Variants in IDO2 observed in about 807,000 individuals in gnomAD.
IDO2 encodes indoleamine 2,3-dioxygenase 2, also known as indoleamine 2,3-dioxygenase-like 1 protein.
Under a neutral mutation model 45.1 loss-of-function variants are expected in IDO2, and 46 were observed. The ratio of observed to expected loss-of-function variants is 1.02; its 90% CI spans 0.80 to 1.30. The LOEUF (loss-of-function observed/expected upper bound fraction) is 1.30. Among genes scored for constraint, IDO2 ranks in the 50% most tolerant of loss-of-function variants. The probability of loss-of-function intolerance (pLI) is 0.00; values close to 1 mark genes in which losing one functional copy is unlikely to be tolerated. For missense variants in IDO2, 544 were observed against 491.8 expected (o/e 1.11, Z -1.00); for synonymous variants, 218 against 184.9 (o/e 1.18, Z -1.45).
At chr8:39,937,260 A>G (rs1185984305) in intron 1 of IDO2, among the ~76,000 whole-genome samples, 3 of 152,252 alleles carry the variant, frequency 2.0e-5, no homozygotes, top group Non-Finnish European at 2.9e-5. Flanking sequence ...ATATTCCAAC[A>G]GTTATGTTTC....
rs1807526160 is a variant in IDO2 at position 39,935,137 on chromosome 8, A to G, written c.-99A>G. 2.6e-6 allele frequency: 4 copies of G among 1,520,658 alleles called. No individual in the cohort carries two copies. In the South Asian group the frequency reaches 4.5e-5, roughly 17 times the overall value. The allele number at this position is 1,520,658 out of a possible 1,614,324, so 94.2% of individuals were successfully genotyped here. On this transcript the variant is annotated 5_prime_UTR_variant, in exon 1 of 11. Transcript: ENST00000502986. ...AGAAGGCAATGGACACCTAAAGAACAGAATGAAAACCTTCTTAGGAAATGA... is the reference window on the plus strand; with the variant it reads ...AGAAGGCAATGGACACCTAAAGAACGGAATGAAAACCTTCTTAGGAAATGA...
At chr8:39,972,471 AT>A (rs569900626) in intron 3 of IDO2, among the ~76,000 whole-genome samples, 3 of 151,890 alleles carry the variant, frequency 2.0e-5, no homozygotes, top group Admixed American at 6.6e-5. Context: ...TTAGCTGGTC[AT>A]GGTGGCAGGC....
chr8:39,986,841 T>C (rs564578760), intron 6 of IDO2: 2 of 144,744 alleles, frequency 1.4e-5, no homozygotes, highest in South Asian at 4.5e-4. Context: ...GCTATTCTCA[T>C]GATAGTGAGT....
intron 2 of IDO2, among the ~76,000 whole-genome samples, chr8:39,956,885 A>G (rs756545645): frequency 2.0e-5 from 3 of 151,890 alleles, no homozygotes; most frequent in Non-Finnish European, 4.4e-5. Flanking sequence ...TCTACTAAAA[A>G]GACAAAAATC....
exon 8 of IDO2, chr8:39,989,734 C>T: frequency 1.9e-6 from 3 of 1,591,244 alleles, no homozygotes; most frequent in South Asian, 1.1e-5. Flanking sequence ...CTTGTTCAGG[C>T]CACGAATGCT....
chr8:40,014,392 G>A (rs2955899), intron 10 of IDO2, among the ~76,000 whole-genome samples: 149,209 of 152,334 alleles, frequency 0.98, 73,149 homozygotes, highest in South Asian at 1. Context: ...AACCCATAAC[G>A]AATTTCCTAT....
chr8:39,935,775 T>G (rs1391120582), intron 1 of IDO2, among the ~76,000 whole-genome samples: 1 of 152,202 alleles, frequency 6.6e-6, no homozygotes. Context: ...AGGACACATT[T>G]GACAATGGCA....
At chr8:39,938,499 A>G (rs552144728) in intron 1 of IDO2, among the ~76,000 whole-genome samples, 1 of 152,264 alleles carries the variant, frequency 6.6e-6, no homozygotes, top group African/African-American at 2.4e-5. Context: ...TAGAGATAAC[A>G]TAAGAGAAAA....
chr8:40,015,965 T>TCAAA, exon 11 of IDO2: 1 of 259,392 alleles, frequency 3.9e-6, no homozygotes, highest in Non-Finnish European at 7.5e-6. Flanking sequence ...TTGATTTTCT[T>TCAAA]AAAAAACAAA....
chr8:39,935,288 GC>G, intron 1 of IDO2, 70 bp downstream of exon 1: 2 of 1,258,132 alleles, frequency 1.6e-6, no homozygotes, highest in Non-Finnish European at 2.3e-6. Flanking sequence ...ACAATTTGGG[GC>G]TAGCAACTCA....
intron 8 of IDO2, among the ~76,000 whole-genome samples, chr8:40,004,535 A>ATAGG (rs1802188216): frequency 6.6e-6 from 1 of 151,398 alleles, no homozygotes; most frequent in African/African-American, 2.4e-5. Context: ...TGATAGATAG[A>ATAGG]TAGATAGATA....
chr8:39,982,439 T>C (rs914029192), intron 4 of IDO2, among the ~76,000 whole-genome samples: 5 of 152,116 alleles, frequency 3.3e-5, no homozygotes, highest in Non-Finnish European at 7.3e-5. Flanking sequence ...TTTTCACATA[T>C]ATTGCACCGT....
chr8:39,982,767 A>T, exon 5 of IDO2: 1 of 1,571,208 alleles, frequency 6.4e-7, no homozygotes, highest in Non-Finnish European at 8.7e-7. Flanking sequence ...AAAGATCCAG[A>T]CGGGTAAGGA....
At chr8:39,963,670 T>G (rs1808034070) in exon 3 of IDO2, 1 of 1,612,046 alleles carries the variant, frequency 6.2e-7, no homozygotes, top group South Asian at 1.1e-5. Context: ...CTCAATTGAT[T>G]GATGCTCACC....
At chr8:40,005,347 T>C (rs1490353000) in exon 9 of IDO2, 2 of 1,582,228 alleles carry the variant, frequency 1.3e-6, no homozygotes, top group South Asian at 2.4e-5. Context: ...TCCAGACATA[T>C]TTTATGCAGG....
At chr8:39,972,609 CAAA>C (rs35394460) in intron 3 of IDO2, among the ~76,000 whole-genome samples, 1 of 34,548 alleles carries the variant, frequency 2.9e-5, no homozygotes, top group Non-Finnish European at 4.8e-5. Context: ...GACTCCATCT[CAAA>C]AAAAAAAAAA....
chr8:39,996,795 C>T (rs1321541052), intron 8 of IDO2, among the ~76,000 whole-genome samples: 1 of 152,136 alleles, frequency 6.6e-6, no homozygotes, highest in Non-Finnish European at 1.5e-5. Context: ...GAAAGGGCAC[C>T]ATTTTACAAG....
intron 1 of IDO2, among the ~76,000 whole-genome samples, chr8:39,943,507 G>A (rs1181467753): frequency 6.6e-6 from 1 of 152,108 alleles, no homozygotes; most frequent in Non-Finnish European, 1.5e-5. Context: ...GGAGGCCGAG[G>A]CGGGCAGATC....
At chr8:40,000,053 A>T (rs956267572) in intron 8 of IDO2, among the ~76,000 whole-genome samples, 1 of 152,170 alleles carries the variant, frequency 6.6e-6, no homozygotes, top group Non-Finnish European at 1.5e-5. Context: ...ATCAAAGACA[A>T]TTTTTTAAAG....
Sources: allele counts gnomAD v4.1 joint callset (sites outside exome capture counted in the v4.1 genomes callset), GRCh38; gene constraint gnomAD v4.1.1; transcripts MANE v1.5; gene names NCBI Gene and HGNC (gene_info 2026-07-23, HGNC 2026-07-21).